Variants in PCM1 observed in about 807,000 individuals in gnomAD.
PCM1 encodes the protein pericentriolar material 1 protein.
A neutral mutation model predicts 241.9 loss-of-function variants in PCM1; 157 were observed. The observed-to-expected ratio is 0.65, with a 90% CI of 0.57 to 0.74. The LOEUF (loss-of-function observed/expected upper bound fraction) is 0.74, where lower values mean the gene tolerates loss of function less well. Among genes scored for constraint, PCM1 ranks in the 30% least tolerant of loss-of-function variants. The probability of loss-of-function intolerance (pLI) is 0.00; values close to 1 mark genes in which losing one functional copy is unlikely to be tolerated. For synonymous variants in PCM1, 1,085 were observed against 784.9 expected (o/e 1.38, Z -6.39); for missense variants, 3,478 against 2,360.1 (o/e 1.47, Z -9.81).
At chr8:17,951,601 T>C (rs140221334) in intron 8 of PCM1, among the ~76,000 whole-genome samples, 1 of 152,238 alleles carries the variant, frequency 6.6e-6, no homozygotes, top group African/African-American at 2.4e-5. Context: ...TGCTAATGAA[T>C]ACAAAATTCA....
At chr8:17,964,522 A>T (rs190460765) in intron 17 of PCM1, 46 bp from the exon 18 acceptor site, 1 of 1,459,528 alleles carries the variant, frequency 6.9e-7, no homozygotes, top group African/African-American at 1.4e-5. Flanking sequence ...CAGAGTATTT[A>T]ACTTATCTCC....
In PCM1 at chr8:18,013,748, CTGTG is replaced by C. The variant is rs1016604649; in HGVS notation, c.5512-206_5512-203del. ...GTCTGTTCGTTCCAGTTGTATTATA[CTGTG>C]TGTGTGTGTTTTTAAGGCAACAAGG... On this transcript the variant is annotated intron_variant, in intron 34 of 38. Coordinates refer to ENST00000325083, the MANE Select transcript of PCM1 (RefSeq NM_006197.4). 1.4e-5 allele frequency: 6 copies of C among 426,064 alleles called. No homozygotes were observed. The East Asian group carries it at 2.3e-4, about 17-fold the overall frequency. The allele number at this position is 426,064 out of a possible 1,614,324, so 26.4% of individuals were successfully genotyped here.
rs1563941604 is a variant in PCM1, at chr8:17,960,303, AT to A, written c.2193-9del. ...ATTGGAGTCCATAAATATAATGTCAATTTAATTGTAGAGAGAAATTTTATGA... is the reference window on the plus strand; with the variant it reads ...ATTGGAGTCCATAAATATAATGTCAATTAATTGTAGAGAGAAATTTTATGA... On this transcript the variant is annotated splice_polypyrimidine_tract_variant and intron_variant, in intron 14 of 38. Coordinates refer to ENST00000325083, the MANE Select transcript of PCM1 (RefSeq NM_006197.4). 6.3e-7 allele frequency: 1 copy of A among 1,594,222 alleles called. No homozygotes were observed. The highest frequency in any genetic ancestry group is 1.9e-5 in the Admixed American group (1 of 53,918).
intron 3 of PCM1, among the ~76,000 whole-genome samples, 163 bp from the exon 4 acceptor site, chr8:17,936,970 GA>G (rs1180122809): frequency 6.6e-6 from 1 of 152,108 alleles, no homozygotes; most frequent in Non-Finnish European, 1.5e-5. Context: ...GTAATGAGGG[GA>G]AAATGGGTTA....
intron 4 of PCM1, among the ~76,000 whole-genome samples, chr8:17,938,285 T>C (rs916263679): frequency 6.6e-6 from 1 of 152,128 alleles, no homozygotes; most frequent in Admixed American, 6.6e-5. Flanking sequence ...CACAAAATTA[T>C]TAAAAATATT....
At chr8:18,006,163 G>A in intron 29 of PCM1, 100 bp from the exon 30 acceptor site, 3 of 945,126 alleles carry the variant, frequency 3.2e-6, no homozygotes, top group Non-Finnish European at 4.5e-6. Context: ...AGCATCTACG[G>A]CAAGAAAATT....
At chr8:18,020,177 A>G (rs1035354770) in intron 36 of PCM1, among the ~76,000 whole-genome samples, 3 of 152,268 alleles carry the variant, frequency 2.0e-5, no homozygotes, top group Non-Finnish European at 2.9e-5. Context: ...AAATATGATA[A>G]TCCATCCTTA....
rs34935098 is a variant in PCM1 at position 17,964,673 on chromosome 8, A to C, written c.2760A>C (p.Glu920Asp). The C allele has an allele frequency of 6.2e-5, 100 of 1,613,802 alleles. 1 individual carries two copies. The highest frequency in any genetic ancestry group is 1.6e-4 in the Middle Eastern group (1 of 6,084). The change falls in exon 18 of 39, where the codon GAA becomes GAC. Residue 920 changes from glutamate to aspartate, a missense_variant. By Grantham distance (45) the Glu-to-Asp change is conservative (BLOSUM62 2). Coordinates refer to ENST00000325083, the MANE Select transcript of PCM1 (RefSeq NM_006197.4). ...TTGTTCGGACAGATGAAGAGGAGGA[A>C]GAAGAGCAAGATGCCAGTTCCAATG... ...EGIVRTDEEEEEEQDASSNDN... is the reference protein window; with the variant it reads ...EGIVRTDEEEDEEQDASSNDN...
intron 6 of PCM1, chr8:17,940,120 C>T (rs548147059): frequency 8.9e-6 from 14 of 1,567,700 alleles, no homozygotes; most frequent in African/African-American, 4.0e-5. Flanking sequence ...GAGCACATCG[C>T]TAAACATAGA....
At position 17,996,227 on chromosome 8, in the gene PCM1, G is replaced by T. The variant is rs555599631; in HGVS notation, c.4827+2608G>T. On this transcript the variant is annotated intron_variant, in intron 29 of 38. Coordinates refer to ENST00000325083, the MANE Select transcript of PCM1 (RefSeq NM_006197.4). The stretch of plus-strand genomic sequence containing the variant: ...ATGTTTCTTCTATACCCAGTTTTTT[G>T]AGGGCTTTTATCATGAAAGGATGTT... 3.9e-5 allele frequency among the ~76,000 whole-genome samples: 6 copies of T among 152,170 alleles called. No individual in the cohort carries two copies. In the South Asian group the frequency reaches 1.2e-3, roughly 32 times the overall value.
chr8:17,963,650 T>C (rs2073568002), intron 17 of PCM1, among the ~76,000 whole-genome samples: 1 of 152,200 alleles, frequency 6.6e-6, no homozygotes, highest in South Asian at 2.1e-4. Flanking sequence ...TTAAATTGAG[T>C]ATCTGCTGTT....
Position 17,957,249 on chromosome 8 carries a change from TTTTC to T in PCM1, c.1647-8_1647-5del, listed in dbSNP as rs756883262. The T allele has an allele frequency of 5.2e-5, 81 of 1,570,102 alleles. No homozygotes were observed. The highest frequency in any genetic ancestry group is 6.8e-5 in the East Asian group (3 of 44,236). ...TTGTGCCTTAAATGACTTCAGGCTG[TTTTC>T]TTTCTTCTAGAAATCCACAAGTAGC... On this transcript the variant is annotated splice_polypyrimidine_tract_variant and intron_variant, in intron 11 of 38. Transcript: ENST00000325083.
At chr8:18,013,907 T>C (rs2092823995) in intron 34 of PCM1, 57 bp from the exon 35 acceptor site, 2 of 997,588 alleles carry the variant, frequency 2.0e-6, no homozygotes, top group Non-Finnish European at 3.0e-6. Context: ...AGTAATCATC[T>C]CTTTTATAGT....
At chr8:17,946,001 AT>A (rs1329964050) in intron 6 of PCM1, among the ~76,000 whole-genome samples, 3 of 152,188 alleles carry the variant, frequency 2.0e-5, no homozygotes, top group African/African-American at 7.2e-5. Context: ...GAAAAATACA[AT>A]TACGGTATAC....
chr8:17,957,552 A>G lies in PCM1; in HGVS notation c.1817A>G (p.Asn606Ser). Reference sequence around the variant, plus strand: ...ATGTTTTCAGCAGATTGTCGATATAATAGAGAAGGGGAACAGGAGATTCAT... The same window carrying G: ...ATGTTTTCAGCAGATTGTCGATATAGTAGAGAAGGGGAACAGGAGATTCAT... ...NMPPSLDCRYNREGEQEIHVA... is the reference protein window; with the variant it reads ...NMPPSLDCRYSREGEQEIHVA... The change falls in exon 13 of 39, where the codon AAT (asparagine) becomes AGT (serine). Residue 606 changes from asparagine to serine, a missense_variant. Physicochemically the swap from Asn to Ser is conservative, Grantham distance 46. Coordinates refer to ENST00000325083, the MANE Select transcript of PCM1 (RefSeq NM_006197.4). 6.3e-7 allele frequency: 1 copy of G among 1,581,646 alleles called. No homozygotes were observed. Among genetic ancestry groups the G allele is most frequent in the Non-Finnish European group, 8.6e-7 (1 of 1,161,950 alleles).
At chr8:17,956,556 T>C in intron 10 of PCM1, 48 bp from the exon 11 acceptor site, 1 of 1,159,202 alleles carries the variant, frequency 8.6e-7, no homozygotes, top group Non-Finnish European at 1.2e-6. Context: ...TCTGTATTAT[T>C]TTGCTAAAAT....
At chr8:18,011,874 A>G (rs774681909) in intron 34 of PCM1, 47 bp downstream of exon 34, 1 of 1,490,770 alleles carries the variant, frequency 6.7e-7, no homozygotes, top group South Asian at 1.2e-5. Flanking sequence ...TATTTTAACT[A>G]ATCAAACTTC....
At position 17,966,461 on chromosome 8, in the gene PCM1, A is replaced by G; in HGVS notation, c.3209A>G (p.Asn1070Ser). 6.2e-7 allele frequency: 1 copy of G among 1,613,692 alleles called. No homozygotes were observed. Among genetic ancestry groups the G allele is most frequent in the Non-Finnish European group, 8.5e-7 (1 of 1,179,678 alleles). Residue 1070 changes from asparagine (N) to serine (S), a missense_variant, in exon 20 of 39, where the codon AAT becomes AGT. Physicochemically the swap from Asn to Ser is conservative, Grantham distance 46. Coordinates refer to ENST00000325083, the MANE Select transcript of PCM1 (RefSeq NM_006197.4). Reference protein sequence around the residue: ...QCYTQLTWQQNNVQRLKQMLN... With the variant: ...QCYTQLTWQQSNVQRLKQMLN... ...TATACTCAGCTAACATGGCAACAGA[A>G]TAATGTTCAGAGGTAATCTGTTTCT...
At position 18,029,533 on chromosome 8, in the gene PCM1, T is replaced by G. The variant is rs1267427214; in HGVS notation, c.*1871T>G. On this transcript the variant is annotated 3_prime_UTR_variant, in exon 39 of 39. Coordinates refer to ENST00000325083, the MANE Select transcript of PCM1 (RefSeq NM_006197.4). Reference sequence around the variant, plus strand: ...GCATATTAAAGTGGAAAAATTGTATTTATATCTTAGTTATTACCATAGTAC... The same window carrying G: ...GCATATTAAAGTGGAAAAATTGTATGTATATCTTAGTTATTACCATAGTAC... The G allele has an allele frequency of 9.5e-6, 2 of 211,622 alleles. No homozygotes were observed. Among genetic ancestry groups the G allele is most frequent in the Non-Finnish European group, 1.9e-5 (2 of 104,292 alleles). 13.1% of individuals were successfully genotyped at this position (211,622 alleles called of 1,614,324 possible).
Sources: gnomAD v4.1 joint callset for allele counts (sites outside exome capture counted in the v4.1 genomes callset) on GRCh38, gnomAD v4.1.1 for gene constraint, MANE v1.5 for transcripts, NCBI Gene and HGNC (gene_info 2026-07-23, HGNC 2026-07-21) for gene names.